REL: variants seen among roughly 807,000 people sequenced by gnomAD.
The protein encoded by REL is proto-oncogene c-Rel.
REL carries 15 observed loss-of-function variants against 45.9 expected under a neutral mutation model. That is an observed-to-expected ratio of 0.33 (90% CI 0.22 to 0.50). REL has a LOEUF of 0.50. Ranked by LOEUF, REL falls within the 20% of genes least tolerant of loss-of-function variation. The pLI is 0.98. For synonymous variants in REL, 239 were observed against 242.1 expected, an observed-to-expected ratio of 0.99 and a Z score of 0.12; for missense variants, 601 against 715.2, an observed-to-expected ratio of 0.84 and a Z score of 1.82.
At chr2:60,910,891 C>T (rs1673795513) in intron 4 of REL, among the ~76,000 whole-genome samples, 1 of 152,176 alleles carries the variant, frequency 6.6e-6, no homozygotes, top group Non-Finnish European at 1.5e-5. Context: ...AAGATCACAA[C>T]ACTGCACTCT....
chr2:60,908,876 A>G (rs1673730308), intron 4 of REL, among the ~76,000 whole-genome samples: 1 of 152,210 alleles, frequency 6.6e-6, no homozygotes, highest in African/African-American at 2.4e-5. Context: ...GTAGTCTGAA[A>G]GGGAATACAG....
At chr2:60,895,934 A>G (rs1673334856) in intron 3 of REL, among the ~76,000 whole-genome samples, 1 of 152,198 alleles carries the variant, frequency 6.6e-6, no homozygotes, top group Non-Finnish European at 1.5e-5. Flanking sequence ...CTTAAAAATC[A>G]TATTGCCAAT....
At chr2:60,884,630 G>A (rs1199906877) in intron 1 of REL, among the ~76,000 whole-genome samples, 2 of 152,054 alleles carry the variant, frequency 1.3e-5, no homozygotes, top group Non-Finnish European at 2.9e-5. Flanking sequence ...CATTGTTCCA[G>A]TAAAAAGAGC....
At chr2:60,905,941 A>C (rs570559809) in intron 4 of REL, among the ~76,000 whole-genome samples, 5 of 152,232 alleles carry the variant, frequency 3.3e-5, no homozygotes, top group South Asian at 2.1e-4. Flanking sequence ...GTCCGTTTTC[A>C]CTCTGCTGAT....
At chr2:60,890,417 G>T (rs1000734116) in intron 1 of REL, among the ~76,000 whole-genome samples, 5 of 152,130 alleles carry the variant, frequency 3.3e-5, no homozygotes, top group African/African-American at 1.2e-4. Flanking sequence ...GCTGGGGTAG[G>T]ATTCTAAAGG....
At position 60,922,107 on chromosome 2, in the gene REL, C is replaced by A. The variant is rs1674159345; in HGVS notation, c.1336C>A (p.Pro446Thr). The change falls in exon 10 of 10, where the codon CCA (proline) becomes ACA (threonine). Residue 446 changes from proline to threonine, a missense_variant. Physicochemically the swap from Pro to Thr is conservative, Grantham distance 38. Transcript: ENST00000394479. ...DIVGMEASSM[P>T]SADLYGISDP... ...AGTCGGAATGGAAGCGTCATCCATG[C>A]CATCAGCAGATTTATATGGTATTTC... The A allele has an allele frequency of 1.9e-6, 3 of 1,614,128 alleles. No individual in the cohort carries two copies. The highest frequency in any genetic ancestry group is 1.7e-6 in the Non-Finnish European group (2 of 1,179,986).
At position 60,886,746 on chromosome 2, in the gene REL, G is replaced by A. The variant is rs866014222; in HGVS notation, c.10+4896G>A. Among the ~76,000 whole-genome samples the A allele has an allele frequency of 3.3e-5, 5 of 152,074 alleles. No individual in the cohort carries two copies. In the South Asian group the frequency reaches 1.0e-3, roughly 31 times the overall value. On this transcript the variant is annotated intron_variant, in intron 1 of 9. Transcript: ENST00000394479. ...TTATGATCCATTTAAACATTTCAAT[G>A]TAATTTTTTTATTTTAAAAGCTCAT... is the stretch of plus-strand genomic sequence containing the variant.
chr2:60,891,565 G>A, intron 1 of REL, 118 bp from the exon 2 acceptor site: 2 of 903,560 alleles, frequency 2.2e-6, no homozygotes, highest in Non-Finnish European at 3.2e-6. Flanking sequence ...GTTATTTAAT[G>A]TTAGGAGGAA....
intron 1 of REL, among the ~76,000 whole-genome samples, chr2:60,889,815 A>G (rs1481819791): frequency 1.3e-5 from 2 of 152,160 alleles, no homozygotes; most frequent in Non-Finnish European, 2.9e-5. Context: ...TCCATGGTGT[A>G]TATGTGCCAC....
chr2:60,888,732 A>G (rs1038681224), intron 1 of REL, among the ~76,000 whole-genome samples: 1 of 152,236 alleles, frequency 6.6e-6, no homozygotes, highest in Non-Finnish European at 1.5e-5. Flanking sequence ...AGTTACAGTA[A>G]TACTTTATTC....
intron 8 of REL, 185 bp downstream of exon 8, chr2:60,920,294 C>A (rs1674103263): frequency 4.9e-6 from 3 of 617,794 alleles, no homozygotes; most frequent in South Asian, 2.1e-5. Flanking sequence ...CTCTGCCCCC[C>A]AGGTTCAACA....
intron 2 of REL, among the ~76,000 whole-genome samples, chr2:60,892,187 C>T (rs1263613850): frequency 3.9e-5 from 6 of 152,180 alleles, no homozygotes; most frequent in Admixed American, 3.9e-4. Flanking sequence ...TGATATTATT[C>T]TGTAGATTAA....
intron 2 of REL, 123 bp downstream of exon 2, chr2:60,891,948 CTT>C (rs780744437): frequency 2.0e-4 from 167 of 821,030 alleles, no homozygotes; most frequent in South Asian, 3.7e-4. Flanking sequence ...TTCTTTTTTC[CTT>C]TTTTTTTTTA....
rs1674165533 is a variant in REL at position 60,922,332 on chromosome 2, A to G, written c.1561A>G (p.Thr521Ala). 6.2e-7 allele frequency: 1 copy of G among 1,613,930 alleles called. No individual in the cohort carries two copies. Among genetic ancestry groups the G allele is most frequent in the African/African-American group, 1.3e-5 (1 of 74,882 alleles). ...SMSAGANSNTTVFVSQSDAFE... is the reference protein window; with the variant it reads ...SMSAGANSNTAVFVSQSDAFE... Reference sequence around the variant, plus strand: ...GTCAGCAGGCGCCAATTCCAATACTACTGTTTTTGTTTCACAATCAGATGC... The same window carrying G: ...GTCAGCAGGCGCCAATTCCAATACTGCTGTTTTTGTTTCACAATCAGATGC... Residue 521 changes from threonine (T) to alanine (A), a missense_variant, in exon 10 of 10, where the codon ACT becomes GCT. Physicochemically the swap from Thr to Ala is moderately conservative, Grantham distance 58 (BLOSUM62 0). This residue lies in a region of REL where 334 missense variants were observed against 333.1 expected (regional missense o/e 1.00). Transcript: ENST00000394479.
At chr2:60,918,641 C>A (rs1217351023) in intron 7 of REL, 35 bp downstream of exon 7, 3 of 1,397,082 alleles carry the variant, frequency 2.1e-6, no homozygotes, top group Non-Finnish European at 3.1e-6. Context: ...TTATATATTT[C>A]TTGAAGTGGT....
chr2:60,886,134 G>A (rs191863813), intron 1 of REL, among the ~76,000 whole-genome samples: 88 of 152,296 alleles, frequency 5.8e-4, no homozygotes, highest in Admixed American at 1.0e-3. Flanking sequence ...TCTTAATCAG[G>A]AGTGTGTTAG....
chr2:60,928,294 G>A lies in REL; in HGVS notation c.*5759G>A, dbSNP rs1397371291. 3 of 153,478 alleles carry A rather than the reference G, an allele frequency of 2.0e-5. No homozygotes were observed. The highest frequency in any genetic ancestry group is 4.4e-5 in the Non-Finnish European group (3 of 68,906). 9.5% of individuals were successfully genotyped at this position (153,478 alleles called of 1,614,324 possible). A position where few individuals can be genotyped will look rare whatever the true frequency, so the allele number is the denominator to read the frequency against. ...GTGCCATCCCCATCAAGCTACCAAT[G>A]CCTTTCTTCACAGAATTGGAAAAAA... On this transcript the variant is annotated 3_prime_UTR_variant, in exon 10 of 10. Coordinates refer to ENST00000394479, the MANE Select transcript of REL (RefSeq NM_001291746.2).
At chr2:60,907,231 A>G (rs1400343946) in intron 4 of REL, among the ~76,000 whole-genome samples, 3 of 151,962 alleles carry the variant, frequency 2.0e-5, no homozygotes, top group Non-Finnish European at 4.4e-5. Context: ...GTACCTGTAC[A>G]TATTTCTAAT....
At chr2:60,907,989 G>A (rs1045761335) in intron 4 of REL, among the ~76,000 whole-genome samples, 2 of 151,904 alleles carry the variant, frequency 1.3e-5, no homozygotes, top group African/African-American at 2.4e-5. Context: ...ACCACGCCCC[G>A]CCTTATTTGT....
Sources: gnomAD v4.1 joint callset for allele counts (sites outside exome capture counted in the v4.1 genomes callset) on GRCh38, gnomAD v4.1.1 for gene constraint, gnomAD v4.1.1 regional missense constraint, MANE v1.5 for transcripts, NCBI Gene and HGNC (gene_info 2026-07-23, HGNC 2026-07-21) for gene names.